FLNA: variants seen among roughly 807,000 people sequenced by gnomAD.
The protein encoded by FLNA is filamin A.
Under a neutral mutation model 157.6 loss-of-function variants are expected in FLNA, and 7 were observed. That is an observed-to-expected ratio of 0.04 (90% CI 0.03 to 0.08). The LOEUF (loss-of-function observed/expected upper bound fraction) is 0.08, where lower values mean the gene tolerates loss of function less well. Among genes scored for constraint, FLNA ranks in the 10% least tolerant of loss-of-function variants. The probability of loss-of-function intolerance (pLI) is 1.00; values close to 1 mark genes in which losing one functional copy is unlikely to be tolerated. For synonymous variants in FLNA, 1,103 were observed against 1,060.8 expected (o/e 1.04, Z -0.77); for missense variants, 1,750 against 2,398.4 (o/e 0.73, Z 5.65).
rs1557178607 is a variant in FLNA at position 154,364,057 on chromosome X, A to G, written c.2245T>C (p.Trp749Arg). The change falls in exon 15 of 48, where the codon TGG (tryptophan) becomes CGG (arginine). Residue 749 changes from tryptophan to arginine, a missense_variant. Trp to Arg is a moderately radical substitution (Grantham distance 101). Coordinates refer to ENST00000369850, the MANE Select transcript of FLNA (RefSeq NM_001110556.2). ...CTGTTGGGGATGCTGACGCCTCCCC[A>G]GGACACCATGGCTGTGTGCTTCACC... is the stretch of plus-strand genomic sequence containing the variant. ...KPVKHTAMVS[W>R]GGVSIPNSPF... The G allele has an allele frequency of 8.3e-7, 1 of 1,211,528 alleles. No homozygotes were observed. The highest frequency in any genetic ancestry group is 2.2e-5 in the Admixed American group (1 of 46,123).
rs931323389 is a variant in FLNA at position 154,355,131 on chromosome X, G to T, written c.4970-59C>A. On this transcript the variant is annotated intron_variant, in intron 30 of 47. Coordinates refer to ENST00000369850, the MANE Select transcript of FLNA (RefSeq NM_001110556.2). ...CAGCGTGTGAGCTCGGGTTCAGGTT[G>T]TTCCCGTCCGCCTGCCGCCCACACA... The T allele has an allele frequency of 3.5e-6, 4 of 1,142,115 alleles. No individual in the cohort carries two copies. In the South Asian group the frequency reaches 6.0e-5, roughly 17 times the overall value. 94.1% of individuals were successfully genotyped at this position (1,142,115 alleles called of 1,213,427 possible). A position where few individuals can be genotyped will look rare whatever the true frequency, so the allele number is the denominator to read the frequency against.
Position 154,362,363 on chromosome X carries a change from G to A in FLNA, c.2566-31C>T, listed in dbSNP as rs782314814. The A allele has an allele frequency of 5.0e-6, 6 of 1,209,006 alleles. No individual in the cohort carries two copies. The East Asian group carries it at 8.9e-5, about 18-fold the overall frequency. ...GGCAGTGGGAGGAGAAGGCCTTAGAGGAGGGCAGACGTCATCCGCAATGAC... is the reference window on the plus strand; with the variant it reads ...GGCAGTGGGAGGAGAAGGCCTTAGAAGAGGGCAGACGTCATCCGCAATGAC... On this transcript the variant is annotated intron_variant, in intron 17 of 47. Coordinates refer to ENST00000369850, the MANE Select transcript of FLNA (RefSeq NM_001110556.2).
At chrX:154,352,084 T>C in intron 41 of FLNA, 63 bp from the exon 42 acceptor site, 6 of 1,208,001 alleles carry the variant, frequency 5.0e-6, no homozygotes, top group Non-Finnish European at 5.6e-6. Flanking sequence ...CCTCCAGGCA[T>C]AGCCAAGGTA....
At chrX:154,368,310 C>G (rs1241366990) in intron 2 of FLNA, among the ~76,000 whole-genome samples, 2 of 111,720 alleles carry the variant, frequency 1.8e-5, no homozygotes, top group African/African-American at 6.5e-5. Flanking sequence ...CAGATACACA[C>G]AGACACACAC....
At chrX:154,350,746 C>T in intron 44 of FLNA, 163 bp downstream of exon 44, 1 of 552,320 alleles carries the variant, frequency 1.8e-6, no homozygotes, top group Non-Finnish European at 3.1e-6. Flanking sequence ...CGAGCCACAT[C>T]CCCAGCGGCT....
At chrX:154,361,046 CAAAAAAAAAAAAAAAAAAAAAAA>C (rs59672916) in intron 21 of FLNA, among the ~76,000 whole-genome samples, 2 of 19,980 alleles carry the variant, frequency 1.0e-4, no homozygotes, top group Admixed American at 1.0e-3. Context: ...GACTCTTTCT[CAAAAAAAAAAAAAAAAAAAAAAA>C]AAAAAAAAAA....
At chrX:154,349,910 C>T in intron 45 of FLNA, 43 bp from the exon 46 acceptor site, 5 of 1,189,556 alleles carry the variant, frequency 4.2e-6, no homozygotes, top group Non-Finnish European at 4.6e-6. Context: ...TGGCCTGCCT[C>T]CCTGTCCTCG....
rs2067685375 is a variant in FLNA, at chrX:154,359,233, G to A, written c.4303+13C>T. ...AGACAGTCCCAGCCCTGCCCTGGCC[G>A]CCACCTCCTCACCTGGCACTTGATG... On this transcript the variant is annotated intron_variant, in intron 25 of 47. Coordinates refer to ENST00000369850, the MANE Select transcript of FLNA (RefSeq NM_001110556.2). 5.0e-6 allele frequency: 6 copies of A among 1,211,051 alleles called. No individual in the cohort carries two copies. In the South Asian group the frequency reaches 8.8e-5, roughly 18 times the overall value.
chrX:154,360,409 G>A lies in FLNA; in HGVS notation c.3386C>T (p.Thr1129Ile), dbSNP rs377271979. The A allele has an allele frequency of 5.8e-6, 7 of 1,210,669 alleles. No homozygotes were observed. The African/African-American group carries it at 1.2e-4, about 21-fold the overall frequency. ...DGTCSVSYVP[T>I]EPGDYNINIL... ...GTTGATGTTGTAGTCCCCGGGCTCG[G>A]TGGGCACGTAGGACACGGAACATGT... Residue 1129 changes from threonine (T) to isoleucine (I), a missense_variant, in exon 22 of 48, where the codon ACC (threonine) becomes ATC (isoleucine). By Grantham distance (89) the Thr-to-Ile change is moderately conservative (BLOSUM62 -1). Transcript: ENST00000369850.
chrX:154,357,351 G>A (rs782789369), intron 29 of FLNA, 77 bp from the exon 30 acceptor site: 37 of 1,189,653 alleles, frequency 3.1e-5, no homozygotes, highest in Admixed American at 4.4e-5. Context: ...CCCACACGCC[G>A]CCCCAAGCAG....
chrX:154,358,645 G>A, intron 26 of FLNA, 77 bp from the exon 27 acceptor site: 2 of 1,127,666 alleles, frequency 1.8e-6, no homozygotes, highest in Non-Finnish European at 2.4e-6. Context: ...TGGACGGCCA[G>A]GACCCAGCCC....
In FLNA at chrX:154,361,787, C is replaced by T. The variant is rs782563238; in HGVS notation, c.2827G>A (p.Gly943Ser). 3 of 1,196,040 alleles carry T rather than the reference C, an allele frequency of 2.5e-6. No individual in the cohort carries two copies. The Admixed American group carries it at 6.5e-5, about 26-fold the overall frequency. The change falls in exon 20 of 48, where the codon GGT (glycine) becomes AGT (serine). Residue 943 changes from glycine to serine, a missense_variant and splice_region_variant. Transcript: ENST00000369850. ...YTVKYTPVQQGPVGVNVTYGG... is the reference protein window; with the variant it reads ...YTVKYTPVQQSPVGVNVTYGG... ...TAAGTGACATTGACGCCTACTGGAC[C>T]CTGGGAAGGGTGCAGAAGGGAAGGG...
chrX:154,365,823 GGA>G (rs1198685685), intron 9 of FLNA, among the ~76,000 whole-genome samples, 199 bp downstream of exon 9: 1 of 112,263 alleles, frequency 8.9e-6, no homozygotes, highest in Admixed American at 9.3e-5. Flanking sequence ...GAAAGCGTGA[GGA>G]GAGAGATGGA....
intron 1 of FLNA, among the ~76,000 whole-genome samples, chrX:154,371,783 C>G (rs1173491105): frequency 5.3e-5 from 6 of 113,251 alleles, no homozygotes; most frequent in Non-Finnish European, 1.1e-4. Flanking sequence ...ATCCCTACCC[C>G]CCGCCGTCAT....
intron 30 of FLNA, among the ~76,000 whole-genome samples, chrX:154,356,842 T>C (rs1402147417): frequency 8.9e-6 from 1 of 112,254 alleles, no homozygotes; most frequent in Non-Finnish European, 1.9e-5. Context: ...TGGGGGTCTG[T>C]GGATCTGGCC....
At chrX:154,351,326 G>A (rs1557175722) in intron 43 of FLNA, 3 of 437,043 alleles carry the variant, frequency 6.9e-6, no homozygotes, top group African/African-American at 2.5e-5. Flanking sequence ...TCTTTAAACC[G>A]CAGCCCTGGT....
Position 154,362,516 on chromosome X carries a change from C to T in FLNA, c.2467G>A (p.Asp823Asn), listed in dbSNP as rs1557178278. 7 of 1,211,193 alleles carry T rather than the reference C, an allele frequency of 5.8e-6. No individual in the cohort carries two copies. The highest frequency in any genetic ancestry group is 2.3e-4 in the Middle Eastern group (1 of 4,352). The stretch of plus-strand genomic sequence containing the variant: ...TTGTCATTGCGGATGATGTCGAAGT[C>T]GATGTCAGCTTCGGCGGGGCCTACC... ...GVVGPAEADI[D>N]FDIIRNDNDT... The change falls in exon 17 of 48, where the codon GAC becomes AAC. Residue 823 changes from aspartate (D) to asparagine (N), a missense_variant. Physicochemically the swap from Asp to Asn is conservative, Grantham distance 23. This residue lies in a region of FLNA where 648 missense variants were observed against 805.8 expected (regional missense o/e 0.80). Coordinates refer to ENST00000369850, the MANE Select transcript of FLNA (RefSeq NM_001110556.2).
rs1557176275 is a variant in FLNA at position 154,353,703 on chromosome X, C to T, written c.5711G>A (p.Gly1904Asp). The change falls in exon 36 of 48, where the codon GGC (glycine) becomes GAC (aspartate). Residue 1904 changes from glycine to aspartate, a missense_variant. By Grantham distance (94) the Gly-to-Asp change is moderately conservative. This residue lies in a region of FLNA where 970 missense variants were observed against 1,302.6 expected (regional missense o/e 0.74). Transcript: ENST00000369850. ...GEGGLSLAIE[G>D]PSKAEISCTD... ...GCAGCTGATTTCTGCTTTGGACGGG[C>T]CCTCAATGGCCAGAGACAGGCCCCC... 8.3e-7 allele frequency: 1 copy of T among 1,210,670 alleles called. No individual in the cohort carries two copies. The highest frequency in any genetic ancestry group is 2.2e-5 in the Admixed American group (1 of 46,055).
rs1557176483 is a variant in FLNA, at chrX:154,354,558, G to A, written c.5313+58C>T. ...GTCCCTCCTCACACATGGTAAACTA[G>A]GGGCTCACAGAACACCCAGCTGGCT... On this transcript the variant is annotated intron_variant, in intron 32 of 47. Transcript: ENST00000369850. The A allele has an allele frequency of 6.8e-6, 8 of 1,172,092 alleles. No homozygotes were observed. In the Admixed American group the frequency reaches 9.2e-5, roughly 13 times the overall value.
Sources: allele counts gnomAD v4.1 joint callset (sites outside exome capture counted in the v4.1 genomes callset), GRCh38; gene constraint gnomAD v4.1.1; regional missense constraint gnomAD v4.1.1; transcripts MANE v1.5; gene names NCBI Gene and HGNC (gene_info 2026-07-23, HGNC 2026-07-21).